The following JAZF1 variants were observed in gnomAD, a reference collection of about 807,000 sequenced individuals.
JAZF1 encodes the protein juxtaposed with another zinc finger protein 1.
JAZF1 carries 8 observed loss-of-function variants against 26.4 expected under a neutral mutation model. The observed-to-expected ratio is 0.30, with a 90% CI of 0.18 to 0.55. The LOEUF (loss-of-function observed/expected upper bound fraction) is 0.55. Ranked by LOEUF, JAZF1 falls within the 20% of genes least tolerant of loss-of-function variation. The pLI is 0.94. For synonymous variants in JAZF1, 126 were observed against 122.3 expected, an observed-to-expected ratio of 1.03 and a Z score of -0.20; for missense variants, 199 against 322.0, an observed-to-expected ratio of 0.62 and a Z score of 2.92.
intron 1 of JAZF1, among the ~76,000 whole-genome samples, chr7:28,007,142 A>G (rs1003266060): frequency 6.6e-6 from 1 of 152,122 alleles, no homozygotes; most frequent in Non-Finnish European, 1.5e-5. Context: ...TCTTTCCAAT[A>G]AAGTTTATGT....
intron 2 of JAZF1, among the ~76,000 whole-genome samples, chr7:27,905,563 A>AT (rs1314015879): frequency 6.8e-6 from 1 of 146,884 alleles, no homozygotes; most frequent in Non-Finnish European, 1.5e-5. Flanking sequence ...TTTATTTTTT[A>AT]TTTTTTTTCT....
At chr7:28,150,211 G>GA (rs1783090030) in intron 1 of JAZF1, among the ~76,000 whole-genome samples, 1 of 152,174 alleles carries the variant, frequency 6.6e-6, no homozygotes, top group South Asian at 2.1e-4. Flanking sequence ...AATTTTGACA[G>GA]AATCTGTCAT....
chr7:28,129,027 G>A (rs1782747100), intron 1 of JAZF1, among the ~76,000 whole-genome samples: 1 of 152,070 alleles, frequency 6.6e-6, no homozygotes, highest in African/African-American at 2.4e-5. Flanking sequence ...GAATCACTGG[G>A]TTCTCTGTTT....
chr7:28,082,549 C>T (rs188501530), intron 1 of JAZF1, among the ~76,000 whole-genome samples: 2 of 152,284 alleles, frequency 1.3e-5, no homozygotes, highest in East Asian at 3.9e-4. Flanking sequence ...CTTCCTCCAG[C>T]TCCAGCTGCC....
At chr7:27,977,359 G>C (rs1286409168) in intron 2 of JAZF1, among the ~76,000 whole-genome samples, 2 of 152,154 alleles carry the variant, frequency 1.3e-5, no homozygotes, top group African/African-American at 4.8e-5. Flanking sequence ...TAACTTGTCA[G>C]AACTCCAAAT....
chr7:27,934,480 C>T (rs1784733081), intron 2 of JAZF1, among the ~76,000 whole-genome samples: 1 of 152,068 alleles, frequency 6.6e-6, no homozygotes, highest in Admixed American at 6.5e-5. Context: ...CACACACACA[C>T]ACACACCCCA....
At chr7:28,054,201 T>C (rs1242335247) in intron 1 of JAZF1, among the ~76,000 whole-genome samples, 7 of 152,230 alleles carry the variant, frequency 4.6e-5, no homozygotes, top group Admixed American at 6.5e-5. Context: ...TCATCATTCT[T>C]GCTCAATCAA....
intron 3 of JAZF1, among the ~76,000 whole-genome samples, chr7:27,886,643 G>T (rs768071084): frequency 2.6e-5 from 4 of 152,176 alleles, no homozygotes; most frequent in Non-Finnish European, 5.9e-5. Context: ...TGTAGCCCAT[G>T]TGTGTATACA....
At chr7:28,163,870 C>T (rs1783327237) in intron 1 of JAZF1, among the ~76,000 whole-genome samples, 1 of 152,232 alleles carries the variant, frequency 6.6e-6, no homozygotes, top group Non-Finnish European at 1.5e-5. Context: ...TGATAAAATG[C>T]ATCCATAATA....
intron 2 of JAZF1, among the ~76,000 whole-genome samples, chr7:27,973,602 G>C (rs1245771085): frequency 6.6e-6 from 1 of 152,096 alleles, no homozygotes; most frequent in African/African-American, 2.4e-5. Flanking sequence ...CCCGGTAGGG[G>C]GTGTATGATT....
intron 2 of JAZF1, among the ~76,000 whole-genome samples, chr7:27,972,968 T>C (rs749679789): frequency 9.7e-5 from 14 of 143,826 alleles, no homozygotes; most frequent in South Asian, 2.2e-4. Flanking sequence ...CACACACACA[T>C]ACACATGTAA....
chr7:27,845,720 GA>G (rs1296170389), intron 3 of JAZF1, among the ~76,000 whole-genome samples: 1 of 134,766 alleles, frequency 7.4e-6, no homozygotes, highest in Admixed American at 7.5e-5. Context: ...AAAAAGAAAA[GA>G]AAAAGAAAAA....
chr7:27,956,733 G>A (rs1009268915), intron 2 of JAZF1, among the ~76,000 whole-genome samples: 1 of 152,142 alleles, frequency 6.6e-6, no homozygotes, highest in South Asian at 2.1e-4. Flanking sequence ...GTGAAAATGC[G>A]GTCATGCCAA....
chr7:28,036,681 G>A (rs1012872550), intron 1 of JAZF1, among the ~76,000 whole-genome samples: 19 of 152,206 alleles, frequency 1.2e-4, no homozygotes, highest in Non-Finnish European at 2.5e-4. Flanking sequence ...GGAAAGGAGG[G>A]AAAGCTACCT....
intron 1 of JAZF1, among the ~76,000 whole-genome samples, chr7:28,012,578 T>C (rs915916629): frequency 3.3e-5 from 5 of 152,208 alleles, no homozygotes; most frequent in Non-Finnish European, 7.3e-5. Context: ...TGCCTCCTCT[T>C]AAAGACAGAT....
intron 1 of JAZF1, among the ~76,000 whole-genome samples, chr7:28,027,061 C>G (rs1177177194): frequency 6.6e-6 from 1 of 152,230 alleles, no homozygotes; most frequent in Non-Finnish European, 1.5e-5. Context: ...GCGCTCACCA[C>G]AGACTCAGGC....
chr7:28,100,579 G>A (rs1412526704), intron 1 of JAZF1, among the ~76,000 whole-genome samples: 3 of 152,144 alleles, frequency 2.0e-5, no homozygotes, highest in Admixed American at 6.5e-5. Flanking sequence ...AGTCCTGTAA[G>A]TTAAGGCTCT....
intron 1 of JAZF1, among the ~76,000 whole-genome samples, chr7:28,064,624 C>G (rs1583539638): frequency 6.6e-6 from 1 of 152,342 alleles, no homozygotes; most frequent in East Asian, 1.9e-4. Flanking sequence ...CCTCATACTT[C>G]ATGTTTGCCA....
At chr7:27,898,294 T>C (rs1375185582) in intron 2 of JAZF1, among the ~76,000 whole-genome samples, 1 of 103,910 alleles carries the variant, frequency 9.6e-6, no homozygotes, top group Non-Finnish European at 1.9e-5. Context: ...CTCATATATA[T>C]ATATATATAT....
Sources: allele counts gnomAD v4.1 joint callset (sites outside exome capture counted in the v4.1 genomes callset), GRCh38; gene constraint gnomAD v4.1.1; transcripts MANE v1.5; gene names NCBI Gene and HGNC (gene_info 2026-07-23, HGNC 2026-07-21).